The following EVC variants were observed in gnomAD, a reference collection of about 807,000 sequenced individuals.
EVC encodes the protein evC complex member EVC.
Under a neutral mutation model 118.9 loss-of-function variants are expected in EVC, and 116 were observed. The observed-to-expected ratio is 0.98, with a 90% CI of 0.84 to 1.14. The LOEUF is 1.14. EVC is among the 50% of genes most tolerant of loss of function. EVC has a pLI of 0.00. For synonymous variants in EVC, 619 were observed against 534.7 expected (o/e 1.16, Z -2.18); for missense variants, 1,401 against 1,246.4 (o/e 1.12, Z -1.87).
downstream of EVC, among the ~76,000 whole-genome samples, chr4:5,817,263 C>T (rs1457227133): frequency 2.6e-5 from 4 of 152,192 alleles, no homozygotes; most frequent in Non-Finnish European, 4.4e-5. Context: ...TGCACCGTGT[C>T]GGGGCTCTTG....
At chr4:5,805,157 C>G (rs540845709) in intron 17 of EVC, among the ~76,000 whole-genome samples, 116 of 152,304 alleles carry the variant, frequency 7.6e-4, no homozygotes, top group Middle Eastern at 3.4e-3. Flanking sequence ...TGGGCATTCT[C>G]AGAAGCAGAC....
intron 2 of EVC, among the ~76,000 whole-genome samples, chr4:5,726,711 T>TCCCTCCC (rs1473080996): frequency 1.8e-5 from 2 of 108,234 alleles, no homozygotes; most frequent in Non-Finnish European, 1.8e-5. Context: ...CCCGATGCTA[T>TCCCTCCC]CCCTCCCCCC....
At chr4:5,787,947 C>T (rs758378590) in intron 12 of EVC, among the ~76,000 whole-genome samples, 1 of 152,162 alleles carries the variant, frequency 6.6e-6, no homozygotes, top group Non-Finnish European at 1.5e-5. Context: ...TGGTCTCTTT[C>T]CTCCTCCTTG....
At chr4:5,758,818 G>A (rs541573237) in intron 11 of EVC, among the ~76,000 whole-genome samples, 1 of 152,290 alleles carries the variant, frequency 6.6e-6, no homozygotes, top group African/African-American at 2.4e-5. Context: ...GTGAAACCTC[G>A]CTTCTTGTGT....
chr4:5,724,520 C>A (rs1378889036), intron 2 of EVC, among the ~76,000 whole-genome samples: 2 of 152,144 alleles, frequency 1.3e-5, no homozygotes, highest in East Asian at 1.9e-4. Flanking sequence ...GAGGGCGGAC[C>A]TGGGGCCAGC....
chr4:5,796,528 G>A (rs1223541847), intron 13 of EVC, among the ~76,000 whole-genome samples: 1 of 152,024 alleles, frequency 6.6e-6, no homozygotes, highest in Non-Finnish European at 1.5e-5. Context: ...TTCCTAGGAT[G>A]AAGGCACCCA....
intron 13 of EVC, among the ~76,000 whole-genome samples, chr4:5,796,098 T>C (rs1277822004): frequency 6.6e-6 from 1 of 152,240 alleles, no homozygotes; most frequent in African/African-American, 2.4e-5. Context: ...GCTAAACCCA[T>C]CTCCTGAGTT....
At chr4:5,734,214 C>T (rs778636002) in intron 5 of EVC, among the ~76,000 whole-genome samples, 1 of 152,142 alleles carries the variant, frequency 6.6e-6, no homozygotes, top group Non-Finnish European at 1.5e-5. Flanking sequence ...AAGGCACATT[C>T]TCTGAATTAC....
rs1236034443 is a variant in EVC, at chr4:5,798,064, C to A, written c.2098-522C>A. ...GTCTCTTAAGCTCTATCCAGGAGAG[C>A]TCCGAGGAGCAGGCAGGACTCACGG... On this transcript the variant is annotated intron_variant, in intron 14 of 20. Coordinates refer to ENST00000264956, the MANE Select transcript of EVC (RefSeq NM_153717.3). This position sits in a 1 kb window ranked among gnomAD's most constrained non-coding sequence, Gnocchi z 4.1. Among the ~76,000 whole-genome samples, 1 of 152,182 alleles carries A rather than the reference C, an allele frequency of 6.6e-6. No homozygotes were observed. Among genetic ancestry groups the A allele is most frequent in the Non-Finnish European group, 1.5e-5 (1 of 68,030 alleles).
chr4:5,820,034 A>C, the EVC span, among the ~76,000 whole-genome samples: 15 of 152,254 alleles, frequency 9.9e-5, no homozygotes, highest in African/African-American at 3.6e-4. Flanking sequence ...GGAGCTTTGG[A>C]CTAGGGCCCA....
the EVC span, chr4:5,821,632 A>C: frequency 1.5e-4 from 131 of 848,850 alleles, no homozygotes; most frequent in African/African-American, 2.1e-3. The surrounding 1 kb of genome is among the most constrained non-coding windows in gnomAD (Gnocchi z 4.4). Flanking sequence ...AAAGGGAAAG[A>C]GCATCCTTCG....
chr4:5,813,305 G>A lies in EVC; in HGVS notation c.*2268G>A, dbSNP rs4261923. 39,953 of 152,094 alleles carry A rather than the reference G, an allele frequency of 0.26. 5,549 individuals carry two copies. Among genetic ancestry groups the A allele is most frequent in the South Asian group, 0.39 (1,875 of 4,810 alleles). The allele number at this position is 152,094 out of a possible 1,614,324, so 9.4% of individuals were successfully genotyped here. ...CAATCTCCATCTCCCGGGTTCAAGC[G>A]ATTTTCCTGCCTCAGCCTCCCCAGT... On this transcript the variant is annotated 3_prime_UTR_variant, in exon 21 of 21. Coordinates refer to ENST00000264956, the MANE Select transcript of EVC (RefSeq NM_153717.3).
At chr4:5,823,351 G>A in the EVC span, among the ~76,000 whole-genome samples, 1 of 152,192 alleles carries the variant, frequency 6.6e-6, no homozygotes, top group South Asian at 2.1e-4. Context: ...CTCCCCTAAA[G>A]GCCTGGAATC....
intron 5 of EVC, among the ~76,000 whole-genome samples, chr4:5,741,245 T>C (rs1728521480): frequency 6.6e-6 from 1 of 152,208 alleles, no homozygotes; most frequent in South Asian, 2.1e-4. Context: ...TTCCTGGGTA[T>C]CCCCACTTAT....
chr4:5,782,170 T>A (rs1577556928), intron 11 of EVC, among the ~76,000 whole-genome samples: 1 of 152,170 alleles, frequency 6.6e-6, no homozygotes, highest in East Asian at 1.9e-4. Context: ...CTGGACCAGC[T>A]TCAAGTGATT....
At chr4:5,805,521 G>A (rs752144066) in intron 17 of EVC, among the ~76,000 whole-genome samples, 1 of 152,184 alleles carries the variant, frequency 6.6e-6, no homozygotes. Context: ...ACTACAGTCT[G>A]GCAAGTCCTC....
At chr4:5,825,896 TAC>T in the EVC span, 2 of 534,120 alleles carry the variant, frequency 3.7e-6, no homozygotes, top group African/African-American at 2.0e-5. This position sits in a 1 kb window ranked among gnomAD's most constrained non-coding sequence, Gnocchi z 4.4. Flanking sequence ...TGCATACACA[TAC>T]AGACGCACAC....
the EVC span, chr4:5,821,864 G>A: frequency 1.8e-4 from 281 of 1,544,890 alleles, 3 homozygotes; most frequent in South Asian, 2.8e-3. This position sits in a 1 kb window ranked among gnomAD's most constrained non-coding sequence, Gnocchi z 4.4. Flanking sequence ...GAAAGAGAGC[G>A]CCAATCGCTG....
Position 5,797,193 on chromosome 4 carries a change from G to A in EVC, c.2058G>A (p.Gln686=), listed in dbSNP as rs747533747. The A allele has an allele frequency of 1.9e-6, 3 of 1,612,652 alleles. No homozygotes were observed. The highest frequency in any genetic ancestry group is 2.2e-5 in the South Asian group (2 of 90,996). The change falls in exon 14 of 21, where the codon CAG becomes CAA. Residue 686 remains glutamine (Q), a synonymous_variant. Coordinates refer to ENST00000264956, the MANE Select transcript of EVC (RefSeq NM_153717.3). The part of the protein sequence containing the change: ...EQRALEQGSS[Q]CLDEHQWQLL... ...GTGCACTGGAGCAGGGGTCCTCCCA[G>A]TGCCTGGACGAGCATCAGTGGCAGC...
Sources: allele counts gnomAD v4.1 joint callset (sites outside exome capture counted in the v4.1 genomes callset), GRCh38; gene constraint gnomAD v4.1.1; non-coding constraint Gnocchi (gnomAD v3.1); transcripts MANE v1.5; gene names NCBI Gene and HGNC (gene_info 2026-07-23, HGNC 2026-07-21).